AGTR1: variants seen among roughly 807,000 people sequenced by gnomAD.
AGTR1 encodes the protein angiotensin II receptor type 1, also known as type-1 angiotensin II receptor.
Under a neutral mutation model 19.4 loss-of-function variants are expected in AGTR1, and 16 were observed. That is an observed-to-expected ratio of 0.82 (90% CI 0.56 to 1.25). The LOEUF (loss-of-function observed/expected upper bound fraction) is 1.25. Among genes scored for constraint, AGTR1 ranks in the 50% most tolerant of loss-of-function variants. The pLI is 0.00. For missense variants in AGTR1, 373 were observed against 431.9 expected (o/e 0.86, Z 1.21); for synonymous variants, 153 against 154.9 (o/e 0.99, Z 0.09).
At chr3:148,737,511 A>G (rs1195022219) in intron 2 of AGTR1, among the ~76,000 whole-genome samples, 1 of 152,188 alleles carries the variant, frequency 6.6e-6, no homozygotes, top group African/African-American at 2.4e-5. Context: ...ACTGCCTTTA[A>G]GGCTCCTGTC....
At position 148,714,829 on chromosome 3, in the gene AGTR1, T is replaced by C. The variant is rs182085480; in HGVS notation, c.-48+6802T>C. 3.9e-5 allele frequency among the ~76,000 whole-genome samples: 6 copies of C among 152,266 alleles called. No homozygotes were observed. In the East Asian group the frequency reaches 9.7e-4, roughly 25 times the overall value. On this transcript the variant is annotated intron_variant, in intron 2 of 2. Coordinates refer to ENST00000349243, the MANE Select transcript of AGTR1 (RefSeq NM_000685.5). Reference sequence around the variant, plus strand: ...GTATACTTCAAATATGCATTGCCTATCACTGACCTGTAATCCTGTGTCTCT... The same window carrying C: ...GTATACTTCAAATATGCATTGCCTACCACTGACCTGTAATCCTGTGTCTCT...
chr3:148,702,428 T>C (rs937809701), intron 1 of AGTR1, among the ~76,000 whole-genome samples: 3 of 152,236 alleles, frequency 2.0e-5, no homozygotes, highest in African/African-American at 7.2e-5. Flanking sequence ...CTGCAGGTAC[T>C]TACAGAGGAA....
Position 148,741,212 on chromosome 3 carries a change from G to A in AGTR1, c.177G>A (p.Leu59=). The change falls in exon 3 of 3, where the codon CTG becomes CTA. Residue 59 remains leucine (L), a synonymous_variant. Transcript: ENST00000349243. The stretch of plus-strand genomic sequence containing the variant: ...TAGTCATTTACTTTTATATGAAGCT[G>A]AAGACTGTGGCCAGTGTTTTTCTTT... ...VVIVIYFYMK[L]KTVASVFLLN... 2 of 1,614,158 alleles carry A rather than the reference G, an allele frequency of 1.2e-6. No individual in the cohort carries two copies. The highest frequency in any genetic ancestry group is 1.7e-6 in the Non-Finnish European group (2 of 1,180,042).
chr3:148,730,156 A>G (rs1714169459), intron 2 of AGTR1: 1 of 398,114 alleles, frequency 2.5e-6, no homozygotes, highest in Admixed American at 4.4e-5. Context: ...CGTGAACATT[A>G]TTATTATTAT....
chr3:148,724,496 C>G (rs1399755337), intron 2 of AGTR1, among the ~76,000 whole-genome samples: 2 of 152,122 alleles, frequency 1.3e-5, no homozygotes, highest in South Asian at 2.1e-4. Flanking sequence ...ACCTGACAAC[C>G]AAAACATCTT....
At chr3:148,713,257 T>C (rs543950751) in intron 2 of AGTR1, among the ~76,000 whole-genome samples, 1 of 152,202 alleles carries the variant, frequency 6.6e-6, no homozygotes, top group African/African-American at 2.4e-5. Context: ...ATTTAATCAT[T>C]TTTTTTCTTT....
intron 2 of AGTR1, among the ~76,000 whole-genome samples, chr3:148,712,215 A>C (rs1713027013): frequency 6.6e-6 from 1 of 152,156 alleles, no homozygotes; most frequent in Non-Finnish European, 1.5e-5. Flanking sequence ...TAAATGTATG[A>C]GTCATTTTTT....
At chr3:148,708,992 A>G (rs1712828802) in intron 2 of AGTR1, among the ~76,000 whole-genome samples, 1 of 152,196 alleles carries the variant, frequency 6.6e-6, no homozygotes, top group Non-Finnish European at 1.5e-5. Flanking sequence ...CATTTTCTGG[A>G]AGGTACTCCA....
At chr3:148,702,663 C>T (rs1712417135) in intron 1 of AGTR1, among the ~76,000 whole-genome samples, 1 of 152,172 alleles carries the variant, frequency 6.6e-6, no homozygotes, top group Non-Finnish European at 1.5e-5. Context: ...TGGTTCTGGC[C>T]ACTTCTGTAA....
intron 2 of AGTR1, among the ~76,000 whole-genome samples, chr3:148,732,729 AAT>A (rs1559930820): frequency 6.8e-6 from 1 of 146,014 alleles, no homozygotes; most frequent in African/African-American, 2.6e-5. Flanking sequence ...TGCTTCGGAA[AAT>A]TTTTTTTTTT....
chr3:148,739,492 CAAAG>C (rs910765619), intron 2 of AGTR1, among the ~76,000 whole-genome samples: 4 of 151,888 alleles, frequency 2.6e-5, no homozygotes, highest in African/African-American at 9.7e-5. Context: ...CCTGGTGAGT[CAAAG>C]AAGAAAAGGA....
In AGTR1 at chr3:148,741,532, A is replaced by T. The variant is rs1559934144; in HGVS notation, c.497A>T (p.His166Leu). The part of the protein sequence containing the change: ...AGLASLPAII[H>L]RNVFFIENTN... ...TTGGCCAGTTTGCCAGCTATAATCC[A>T]TCGAAATGTATTTTTCATTGAGAAC... Residue 166 changes from histidine (H) to leucine (L), a missense_variant, in exon 3 of 3, where the codon CAT becomes CTT. Coordinates refer to ENST00000349243, the MANE Select transcript of AGTR1 (RefSeq NM_000685.5). 1 of 1,614,120 alleles carries T rather than the reference A, an allele frequency of 6.2e-7. No individual in the cohort carries two copies. Among genetic ancestry groups the T allele is most frequent in the Non-Finnish European group, 8.5e-7 (1 of 1,179,988 alleles).
chr3:148,700,689 T>C (rs1712285776), intron 1 of AGTR1, among the ~76,000 whole-genome samples: 6 of 152,182 alleles, frequency 3.9e-5, no homozygotes, highest in Admixed American at 3.9e-4. Flanking sequence ...TTTGAAGATA[T>C]GCTGTGTCAA....
At chr3:148,726,454 AC>A (rs1713947705) in intron 2 of AGTR1, among the ~76,000 whole-genome samples, 1 of 151,972 alleles carries the variant, frequency 6.6e-6, no homozygotes, top group Admixed American at 6.6e-5. Flanking sequence ...TGATCCGCCC[AC>A]CTTGGCCTCC....
At chr3:148,727,154 A>G (rs1713993813) in intron 2 of AGTR1, among the ~76,000 whole-genome samples, 2 of 152,244 alleles carry the variant, frequency 1.3e-5, no homozygotes, top group African/African-American at 4.8e-5. Context: ...GGCAAGTAAC[A>G]GAGAATCAAG....
At chr3:148,734,683 T>C (rs905968167) in intron 2 of AGTR1, among the ~76,000 whole-genome samples, 1 of 152,184 alleles carries the variant, frequency 6.6e-6, no homozygotes, top group African/African-American at 2.4e-5. Flanking sequence ...GAAGTTAGTC[T>C]AGGATTACCA....
At chr3:148,736,368 GAAC>G (rs1714571245) in intron 2 of AGTR1, among the ~76,000 whole-genome samples, 1 of 152,128 alleles carries the variant, frequency 6.6e-6, no homozygotes, top group Non-Finnish European at 1.5e-5. Context: ...TACTTCGAAA[GAAC>G]AACAGCCTGG....
At chr3:148,740,940 G>C in intron 2 of AGTR1, 49 bp from the exon 3 acceptor site, 1 of 1,508,688 alleles carries the variant, frequency 6.6e-7, no homozygotes, top group Non-Finnish European at 9.0e-7. Context: ...TAGTTTGTTT[G>C]TTTACAATAA....
At chr3:148,740,792 G>A (rs974500361) in intron 2 of AGTR1, among the ~76,000 whole-genome samples, 197 bp from the exon 3 acceptor site, 5 of 152,136 alleles carry the variant, frequency 3.3e-5, no homozygotes, top group African/African-American at 1.2e-4. Flanking sequence ...TTCTACAAAA[G>A]CAATTATGTT....
Sources: gnomAD v4.1 joint callset for allele counts (sites outside exome capture counted in the v4.1 genomes callset) on GRCh38, gnomAD v4.1.1 for gene constraint, MANE v1.5 for transcripts, NCBI Gene and HGNC (gene_info 2026-07-23, HGNC 2026-07-21) for gene names.